Variants in PROX1 observed in about 807,000 individuals in gnomAD.
PROX1 encodes the protein prospero homeobox protein 1.
Under a neutral mutation model 58.8 loss-of-function variants are expected in PROX1, and 7 were observed. The ratio of observed to expected loss-of-function variants is 0.12; its 90% CI spans 0.07 to 0.22. The LOEUF is 0.22. Among genes scored for constraint, PROX1 ranks in the 10% least tolerant of loss-of-function variants. The pLI is 1.00. For synonymous variants in PROX1, 350 were observed against 358.3 expected (o/e 0.98, Z 0.26); for missense variants, 675 against 927.8 (o/e 0.73, Z 3.54).
At chr1:213,998,919 C>CA (rs1164140180) in intron 2 of PROX1, among the ~76,000 whole-genome samples, 1 of 152,044 alleles carries the variant, frequency 6.6e-6, no homozygotes, top group African/African-American at 2.4e-5. Flanking sequence ...ATTCAGACAG[C>CA]ATCGGTCTCT....
Position 214,040,080 on chromosome 1 carries a change from CA to C in PROX1, c.*4251del, listed in dbSNP as rs1411283095. On this transcript the variant is annotated 3_prime_UTR_variant, in exon 5 of 5. Coordinates refer to ENST00000366958, the MANE Select transcript of PROX1 (RefSeq NM_001270616.2). Reference sequence around the variant, plus strand: ...GCAAATTTACAAGAAGCATTGTTTTCAAAAAGCTCCCCTTAAAAAATGTAAC... The same window carrying C: ...GCAAATTTACAAGAAGCATTGTTTTCAAAAGCTCCCCTTAAAAAATGTAAC... The C allele has an allele frequency of 6.6e-6, 1 of 152,148 alleles. No individual in the cohort carries two copies. Among genetic ancestry groups the C allele is most frequent in the African/African-American group, 2.4e-5 (1 of 41,440 alleles). The allele number at this position is 152,148 out of a possible 1,614,324, so 9.4% of individuals were successfully genotyped here.
At chr1:214,002,497 A>C (rs765435705) in intron 2 of PROX1, among the ~76,000 whole-genome samples, 1 of 144,060 alleles carries the variant, frequency 6.9e-6, no homozygotes, top group African/African-American at 2.6e-5. Flanking sequence ...ATTGAATGTC[A>C]TCTGTCTTCA....
chr1:214,023,218 A>C (rs745332185), intron 4 of PROX1, among the ~76,000 whole-genome samples: 2 of 152,228 alleles, frequency 1.3e-5, no homozygotes, highest in African/African-American at 2.4e-5. Flanking sequence ...TGAAGCCCTC[A>C]TGCCATTGGG....
At chr1:214,010,012 G>A (rs953245777) in intron 3 of PROX1, among the ~76,000 whole-genome samples, 9 of 152,116 alleles carry the variant, frequency 5.9e-5, no homozygotes, top group East Asian at 1.9e-4. Context: ...TCAGCAAATC[G>A]TAATGGGTTT....
chr1:214,030,528 G>C (rs1408909307), intron 4 of PROX1: 1 of 152,102 alleles, frequency 6.6e-6, no homozygotes, highest in Non-Finnish European at 1.5e-5. Flanking sequence ...GAGGCCAGAG[G>C]GCCAATTTTT....
chr1:214,031,066 T>TGTGTGTGC (rs1231686198), intron 4 of PROX1, among the ~76,000 whole-genome samples: 204 of 95,126 alleles, frequency 2.1e-3, no homozygotes, highest in African/African-American at 5.6e-3. Flanking sequence ...TGTGTGTGTG[T>TGTGTGTGC]GCGCGCGCGC....
At chr1:214,004,224 G>A (rs181529860) in intron 2 of PROX1, among the ~76,000 whole-genome samples, 6 of 152,354 alleles carry the variant, frequency 3.9e-5, no homozygotes, top group Admixed American at 3.3e-4. Context: ...CCAGCTCTGA[G>A]TCTGCTGAGG....
chr1:213,995,165 A>T (rs1663213482), intron 1 of PROX1, among the ~76,000 whole-genome samples: 1 of 151,200 alleles, frequency 6.6e-6, no homozygotes, highest in South Asian at 2.1e-4. Flanking sequence ...AGCAAACGTG[A>T]AGTTTAATAT....
In PROX1 at chr1:214,005,021, T is replaced by C. The variant is rs556177346; in HGVS notation, c.1726-144T>C. 2.7e-5 allele frequency: 15 copies of C among 548,226 alleles called. No homozygotes were observed. In the East Asian group the frequency reaches 4.6e-4, roughly 17 times the overall value. The allele number at this position is 548,226 out of a possible 1,614,324, so 34.0% of individuals were successfully genotyped here. A position where few individuals can be genotyped will look rare whatever the true frequency, so the allele number is the denominator to read the frequency against. Reference sequence around the variant, plus strand: ...CAAATGGCAGCAAGTTAGCAATGGATGCCATAGCCAGTGTCATATACCTTC... The same window carrying C: ...CAAATGGCAGCAAGTTAGCAATGGACGCCATAGCCAGTGTCATATACCTTC... On this transcript the variant is annotated intron_variant, in intron 2 of 4. Coordinates refer to ENST00000366958, the MANE Select transcript of PROX1 (RefSeq NM_001270616.2).
chr1:214,008,428 A>AC lies in PROX1; in HGVS notation c.1834-3093_1834-3092insC, dbSNP rs1456679692. Among the ~76,000 whole-genome samples the AC allele has an allele frequency of 1.3e-4, 19 of 151,982 alleles. No homozygotes were observed. In the East Asian group the frequency reaches 1.7e-3, roughly 14 times the overall value. On this transcript the variant is annotated intron_variant, in intron 3 of 4. Coordinates refer to ENST00000366958, the MANE Select transcript of PROX1 (RefSeq NM_001270616.2). Reference sequence around the variant, plus strand: ...AAAACAAACAACAACAACAACAACAAAAAAAACCAGGAGAAAAAAATGTGA... The same window carrying AC: ...AAAACAAACAACAACAACAACAACAACAAAAAACCAGGAGAAAAAAATGTGA...
At chr1:214,032,698 A>G (rs1558189197) in intron 4 of PROX1, among the ~76,000 whole-genome samples, 1 of 152,232 alleles carries the variant, frequency 6.6e-6, no homozygotes, top group Non-Finnish European at 1.5e-5. Context: ...AGATCTCACT[A>G]TGAGCTATTT....
chr1:214,023,794 A>C (rs1664364120), intron 4 of PROX1, among the ~76,000 whole-genome samples: 1 of 152,192 alleles, frequency 6.6e-6, no homozygotes, highest in East Asian at 1.9e-4. Context: ...TTAACATTTT[A>C]AATTAGAATA....
chr1:214,015,842 C>G (rs143360561), intron 4 of PROX1, among the ~76,000 whole-genome samples: 2 of 152,186 alleles, frequency 1.3e-5, no homozygotes, highest in Non-Finnish European at 2.9e-5. Flanking sequence ...GTGTTTCCCA[C>G]GCCATGGTAA....
intron 1 of PROX1, among the ~76,000 whole-genome samples, chr1:213,991,821 T>C (rs2102682448): frequency 6.6e-6 from 1 of 152,332 alleles, no homozygotes; most frequent in Non-Finnish European, 1.5e-5. Context: ...ATTTGCAGTG[T>C]TAATATAAGA....
intron 4 of PROX1, among the ~76,000 whole-genome samples, chr1:214,033,095 G>T (rs78736023): frequency 0.039 from 5,993 of 151,970 alleles, 281 homozygotes; most frequent in Admixed American, 0.14. Context: ...CCTGTCCCTG[G>T]TTCCCCAGAC....
chr1:214,021,143 C>T (rs372790712), intron 4 of PROX1, among the ~76,000 whole-genome samples: 13 of 152,162 alleles, frequency 8.5e-5, no homozygotes, highest in Admixed American at 2.0e-4. Flanking sequence ...TCAAAAGGCT[C>T]GAGATATATC....
upstream of PROX1, chr1:213,985,528 C>A (rs1662802962): frequency 6.6e-6 from 1 of 152,232 alleles, no homozygotes; most frequent in Admixed American, 6.5e-5. Context: ...ATGCGGGCTG[C>A]GAACCGCCGC....
chr1:214,039,525 C>T lies in PROX1; in HGVS notation c.*3691C>T, dbSNP rs1417755506. On this transcript the variant is annotated 3_prime_UTR_variant, in exon 5 of 5. Coordinates refer to ENST00000366958, the MANE Select transcript of PROX1 (RefSeq NM_001270616.2). ...TTATAAAGCAATGTAAATATTTAAC[C>T]TCATGGCTGTCATTATGTAAGACAT... 1.3e-5 allele frequency: 2 copies of T among 152,054 alleles called. No homozygotes were observed. Among genetic ancestry groups the T allele is most frequent in the Admixed American group, 6.6e-5 (1 of 15,266 alleles). 9.4% of individuals were successfully genotyped at this position (152,054 alleles called of 1,614,324 possible). A position where few individuals can be genotyped will look rare whatever the true frequency, so the allele number is the denominator to read the frequency against.
intron 4 of PROX1, among the ~76,000 whole-genome samples, chr1:214,033,865 A>G (rs1159166564): frequency 1.3e-5 from 2 of 152,214 alleles, no homozygotes; most frequent in African/African-American, 4.8e-5. Context: ...CATGTATACA[A>G]GACATTTGGG....
Sources: allele counts gnomAD v4.1 joint callset (sites outside exome capture counted in the v4.1 genomes callset), GRCh38; gene constraint gnomAD v4.1.1; transcripts MANE v1.5; gene names NCBI Gene and HGNC (gene_info 2026-07-23, HGNC 2026-07-21).